EPB41L3: variants seen among roughly 807,000 people sequenced by gnomAD.
EPB41L3 encodes band 4.1-like protein 3.
A neutral mutation model predicts 127.1 loss-of-function variants in EPB41L3; 57 were observed. The observed-to-expected ratio is 0.45, with a 90% CI of 0.36 to 0.56. The LOEUF is 0.56. Among genes scored for constraint, EPB41L3 ranks in the 20% least tolerant of loss-of-function variants. EPB41L3 has a pLI of 0.00. For missense variants in EPB41L3, 1,273 were observed against 1,372.2 expected (o/e 0.93, Z 1.14); for synonymous variants, 572 against 549.5 (o/e 1.04, Z -0.57).
intron 1 of EPB41L3, among the ~76,000 whole-genome samples, chr18:5,525,886 T>A (rs367855125): frequency 6.6e-6 from 1 of 152,294 alleles, no homozygotes; most frequent in Non-Finnish European, 1.5e-5. Flanking sequence ...TGTACTTCCA[T>A]CTGAGAAGAT....
upstream of EPB41L3, among the ~76,000 whole-genome samples, chr18:5,630,127 G>C (rs1463356781): frequency 6.6e-6 from 1 of 152,202 alleles, no homozygotes; most frequent in Non-Finnish European, 1.5e-5. Context: ...TAAACCGGGC[G>C]CAAGCCCTCT....
At position 5,411,786 on chromosome 18, in the gene EPB41L3, C is replaced by T. The variant is rs577235717; in HGVS notation, c.2068-1167G>A. ...GGCAACTGGGACAGTGTTGTTTCCA[C>T]TGACAAAACTAAACTCTGGCTATGC... On this transcript the variant is annotated intron_variant, in intron 13 of 22. Coordinates refer to ENST00000341928, the MANE Select transcript of EPB41L3 (RefSeq NM_012307.5). Among the ~76,000 whole-genome samples, 37 of 152,230 alleles carry T rather than the reference C, an allele frequency of 2.4e-4. 1 individual carries two copies. Among genetic ancestry groups the T allele is most frequent in the African/African-American group, 8.7e-4 (36 of 41,490 alleles).
intron 3 of EPB41L3, among the ~76,000 whole-genome samples, chr18:5,605,997 A>G (rs1269553593): frequency 6.6e-6 from 1 of 152,146 alleles, no homozygotes; most frequent in Non-Finnish European, 1.5e-5. Flanking sequence ...TGGCACACAC[A>G]CCAATGGGCA....
intron 1 of EPB41L3, among the ~76,000 whole-genome samples, chr18:5,539,001 T>G (rs2093650189): frequency 6.7e-6 from 1 of 150,344 alleles, no homozygotes; most frequent in African/African-American, 2.5e-5. Context: ...CAAGATTTTT[T>G]TTTTTTTTTT....
At chr18:5,433,446 T>C (rs2079277456) in intron 8 of EPB41L3, 23 bp downstream of exon 8, 1 of 1,543,094 alleles carries the variant, frequency 6.5e-7, no homozygotes. Context: ...AATTGAAAGT[T>C]TAGGGTTTAA....
At chr18:5,614,979 G>A (rs1290888384) in intron 1 of EPB41L3, among the ~76,000 whole-genome samples, 1 of 152,148 alleles carries the variant, frequency 6.6e-6, no homozygotes, top group Non-Finnish European at 1.5e-5. Flanking sequence ...GCTAGTTACT[G>A]CAAAAATTTT....
chr18:5,517,988 T>C (rs57437099), intron 1 of EPB41L3, among the ~76,000 whole-genome samples: 2,642 of 152,274 alleles, frequency 0.017, 67 homozygotes, highest in African/African-American at 0.06. Context: ...GTCCTGGCTC[T>C]AGATATTGTC....
In EPB41L3 at chr18:5,522,041, C is replaced by A. The variant is rs75070605; in HGVS notation, c.-12+21872G>T. Among the ~76,000 whole-genome samples, 1,085 of 152,174 alleles carry A rather than the reference C, an allele frequency of 7.1e-3. 16 individuals carry two copies. Among genetic ancestry groups the A allele is most frequent in the African/African-American group, 0.025 (1,049 of 41,516 alleles). ...ACCTCAAAACGATGTTTACAACAAGCAAAAGGGTTATCTTTAGAACAGACA... is the reference window on the plus strand; with the variant it reads ...ACCTCAAAACGATGTTTACAACAAGAAAAAGGGTTATCTTTAGAACAGACA... On this transcript the variant is annotated intron_variant, in intron 1 of 22. Transcript: ENST00000341928.
At chr18:5,561,237 A>G (rs2094131264) in intron 3 of EPB41L3, among the ~76,000 whole-genome samples, 1 of 152,050 alleles carries the variant, frequency 6.6e-6, no homozygotes, top group African/African-American at 2.4e-5. Context: ...TCGGCCTCCC[A>G]AAGTGCTGGG....
At chr18:5,481,675 G>A (rs1302239276) in intron 2 of EPB41L3, among the ~76,000 whole-genome samples, 1 of 152,186 alleles carries the variant, frequency 6.6e-6, no homozygotes, top group African/African-American at 2.4e-5. Context: ...TTGGCCAAAG[G>A]AGACACTGAA....
In EPB41L3 at chr18:5,556,895, A is replaced by G. The variant is rs2094043611; in HGVS notation, c.-306+55445T>C. Among the ~76,000 whole-genome samples, 4 of 152,190 alleles carry G rather than the reference A, an allele frequency of 2.6e-5. No homozygotes were observed. The South Asian group carries it at 6.2e-4, about 24-fold the overall frequency. On this transcript the variant is annotated intron_variant, in intron 3 of 21. Transcript: ENST00000545076. Reference sequence around the variant, plus strand: ...GAAAAAAGCACTCAGTAAGCTCTCAATGCCATATAATGGTGTGTCACGGTG... The same window carrying G: ...GAAAAAAGCACTCAGTAAGCTCTCAGTGCCATATAATGGTGTGTCACGGTG...
At chr18:5,441,631 A>T (rs1030281332) in intron 5 of EPB41L3, among the ~76,000 whole-genome samples, 42 of 151,950 alleles carry the variant, frequency 2.8e-4, no homozygotes, top group African/African-American at 9.7e-4. Flanking sequence ...ATGCCCGGCT[A>T]ATTTTTGTAT....
intron 1 of EPB41L3, among the ~76,000 whole-genome samples, chr18:5,529,924 A>ATGTGTGTGTGTGTG (rs2093354761): frequency 1.1e-5 from 1 of 91,950 alleles, no homozygotes; most frequent in African/African-American, 4.6e-5. Flanking sequence ...CCATCAACTC[A>ATGTGTGTGTGTGTG]TATATGTGTG....
intron 3 of EPB41L3, among the ~76,000 whole-genome samples, chr18:5,588,259 C>G (rs1420057555): frequency 1.3e-5 from 2 of 151,944 alleles, no homozygotes; most frequent in Admixed American, 1.3e-4. Context: ...ATTTTAGAAC[C>G]AGTATCCTGA....
chr18:5,566,625 T>A (rs998964199), intron 3 of EPB41L3, among the ~76,000 whole-genome samples: 1 of 152,090 alleles, frequency 6.6e-6, no homozygotes, highest in African/African-American at 2.4e-5. Context: ...AAAGTTCATA[T>A]GGAACCAAAA....
exon 3 of EPB41L3, chr18:5,612,385 C>G (rs1429548566): frequency 6.6e-6 from 1 of 152,276 alleles, no homozygotes; most frequent in East Asian, 1.9e-4. Flanking sequence ...TCCACAGCCT[C>G]AGGGGATCTG....
chr18:5,571,798 T>C (rs1180955351), intron 3 of EPB41L3, among the ~76,000 whole-genome samples: 1 of 151,392 alleles, frequency 6.6e-6, no homozygotes, highest in East Asian at 2.1e-4. Context: ...CCCAAATATG[T>C]TGGCAACACT....
intron 3 of EPB41L3, among the ~76,000 whole-genome samples, chr18:5,556,140 T>G (rs766991312): frequency 9.2e-5 from 14 of 152,174 alleles, no homozygotes; most frequent in Non-Finnish European, 1.9e-4. Context: ...AATAAATAAA[T>G]GTTGATGGAC....
intron 3 of EPB41L3, among the ~76,000 whole-genome samples, chr18:5,549,786 C>A (rs1785386): frequency 1.3e-5 from 2 of 151,870 alleles, no homozygotes; most frequent in East Asian, 1.9e-4. Flanking sequence ...CCAGTCCATA[C>A]CAAAAATCCC....
Sources: gnomAD v4.1 joint callset for allele counts (sites outside exome capture counted in the v4.1 genomes callset) on GRCh38, gnomAD v4.1.1 for gene constraint, MANE v1.5 for transcripts, NCBI Gene and HGNC (gene_info 2026-07-23, HGNC 2026-07-21) for gene names.